The following DENND1A variants were observed in gnomAD, a reference collection of about 807,000 sequenced individuals.
The protein encoded by DENND1A is DENN domain-containing protein 1A.
DENND1A carries 51 observed loss-of-function variants against 113.7 expected under a neutral mutation model. The ratio of observed to expected loss-of-function variants is 0.45; its 90% CI spans 0.36 to 0.57. The LOEUF (loss-of-function observed/expected upper bound fraction) is 0.57, where lower values mean the gene tolerates loss of function less well. Among genes scored for constraint, DENND1A ranks in the 20% least tolerant of loss-of-function variants. The probability of loss-of-function intolerance (pLI) is 0.00; values close to 1 mark genes in which losing one functional copy is unlikely to be tolerated. For synonymous variants in DENND1A, 565 were observed against 570.8 expected (o/e 0.99, Z 0.14); for missense variants, 1,258 against 1,395.9 (o/e 0.90, Z 1.57).
chr9:123,792,448 T>G, intron 3 of DENND1A, 139 bp downstream of exon 3: 1 of 843,098 alleles, frequency 1.2e-6, no homozygotes, highest in Non-Finnish European at 1.8e-6. Flanking sequence ...GTTTTACTTT[T>G]TGTCTTTGGT....
intron 13 of DENND1A, among the ~76,000 whole-genome samples, chr9:123,523,401 A>G (rs2054553496): frequency 1.3e-5 from 2 of 152,190 alleles, no homozygotes; most frequent in South Asian, 4.1e-4. Flanking sequence ...CCAAAGCTCA[A>G]ATCGTTGACT....
chr9:123,686,306 C>G (rs2064807590), intron 5 of DENND1A, among the ~76,000 whole-genome samples: 1 of 152,208 alleles, frequency 6.6e-6, no homozygotes, highest in African/African-American at 2.4e-5. Flanking sequence ...AGATCAGACA[C>G]AAAACCAGTC....
At chr9:123,425,498 T>G (rs2045647671) in intron 19 of DENND1A, among the ~76,000 whole-genome samples, 1 of 152,264 alleles carries the variant, frequency 6.6e-6, no homozygotes, top group African/African-American at 2.4e-5. Flanking sequence ...TTTGCTGGAT[T>G]TCTCTTGCTC....
At chr9:123,748,046 TAA>T (rs574348243) in intron 5 of DENND1A, among the ~76,000 whole-genome samples, 1 of 152,206 alleles carries the variant, frequency 6.6e-6, no homozygotes, top group African/African-American at 2.4e-5. Context: ...AATGCATTTT[TAA>T]AAAGAAGATA....
chr9:123,689,638 T>G (rs2065038056), intron 5 of DENND1A, among the ~76,000 whole-genome samples: 1 of 152,180 alleles, frequency 6.6e-6, no homozygotes, highest in African/African-American at 2.4e-5. Context: ...TTTAGATTAT[T>G]TTTAATCATA....
intron 21 of DENND1A, chr9:123,401,693 A>G: frequency 6.5e-7 from 1 of 1,531,776 alleles, no homozygotes; most frequent in Non-Finnish European, 8.8e-7. Context: ...CAAAACTAAA[A>G]GTGATACTGA....
At chr9:123,793,903 A>G (rs73666286) in intron 2 of DENND1A, among the ~76,000 whole-genome samples, 3,316 of 152,344 alleles carry the variant, frequency 0.022, 128 homozygotes, top group African/African-American at 0.076. Flanking sequence ...AACTATCTGC[A>G]AGTGATTTCA....
chr9:123,683,833 G>A (rs960792880), intron 5 of DENND1A, among the ~76,000 whole-genome samples: 3 of 152,236 alleles, frequency 2.0e-5, no homozygotes, highest in East Asian at 3.9e-4. Flanking sequence ...CTTGACAGAC[G>A]TAACTCATCT....
intron 5 of DENND1A, among the ~76,000 whole-genome samples, chr9:123,686,294 A>G (rs1321575124): frequency 1.3e-5 from 2 of 152,238 alleles, no homozygotes; most frequent in African/African-American, 2.4e-5. Context: ...TACTAAAACC[A>G]CAGATCAGAC....
chr9:123,434,623 G>A (rs1361448107), intron 19 of DENND1A, among the ~76,000 whole-genome samples: 3 of 152,194 alleles, frequency 2.0e-5, no homozygotes, highest in Admixed American at 6.5e-5. Context: ...GCAGGGCTGC[G>A]TGACAAGCGG....
chr9:123,583,251 A>G lies in DENND1A; in HGVS notation c.785T>C (p.Leu262Pro). The change falls in exon 12 of 24, where the codon CTG becomes CCG. Residue 262 changes from leucine to proline, a missense_variant. Leu to Pro is a moderately conservative substitution (Grantham distance 98). This residue lies in a region of DENND1A where 1,159 missense variants were observed against 1,231.7 expected (regional missense o/e 0.94). Transcript: ENST00000394215. ...CACATTCAGGATCACGACATCATCC[A>G]GGGCCATGTTTCTGACTTTCTGCAA... ...SLMEKVRNMA[L>P]DDVVILNVDT... 6.2e-7 allele frequency: 1 copy of G among 1,612,222 alleles called. No individual in the cohort carries two copies. Among genetic ancestry groups the G allele is most frequent in the Non-Finnish European group, 8.5e-7 (1 of 1,179,076 alleles).
chr9:123,856,522 T>C (rs2133222301), intron 2 of DENND1A, among the ~76,000 whole-genome samples: 1 of 152,226 alleles, frequency 6.6e-6, no homozygotes, highest in East Asian at 1.9e-4. Context: ...AAAGATGATC[T>C]GGTGTGAGGT....
intron 20 of DENND1A, among the ~76,000 whole-genome samples, chr9:123,407,139 T>C (rs533704438): frequency 1.9e-5 from 2 of 107,658 alleles, no homozygotes; most frequent in South Asian, 6.7e-4. Flanking sequence ...TTAGGGATGA[T>C]AAAACAGACA....
chr9:123,625,903 G>GA (rs1163488178), intron 10 of DENND1A, among the ~76,000 whole-genome samples: 4 of 152,148 alleles, frequency 2.6e-5, no homozygotes, highest in African/African-American at 9.7e-5. Context: ...CTTCCAGGGG[G>GA]AACCGTGCGA....
At chr9:123,391,382 G>A (rs140276808) in intron 21 of DENND1A, among the ~76,000 whole-genome samples, 2 of 152,358 alleles carry the variant, frequency 1.3e-5, no homozygotes, top group African/African-American at 4.8e-5. Flanking sequence ...TGGGCGAAAT[G>A]CTGTCCATAC....
intron 2 of DENND1A, among the ~76,000 whole-genome samples, chr9:123,818,954 G>T (rs2132577038): frequency 6.6e-6 from 1 of 152,268 alleles, no homozygotes; most frequent in Non-Finnish European, 1.5e-5. Flanking sequence ...TAGAACAGAA[G>T]CTCTCAAAGT....
chr9:123,687,999 A>C (rs996229010), intron 5 of DENND1A, among the ~76,000 whole-genome samples: 1 of 152,276 alleles, frequency 6.6e-6, no homozygotes. Context: ...ACTGCTGTGC[A>C]CCAAACCGAT....
At chr9:123,900,381 C>G (rs1411016439) in intron 1 of DENND1A, among the ~76,000 whole-genome samples, 1 of 152,178 alleles carries the variant, frequency 6.6e-6, no homozygotes, top group Admixed American at 6.5e-5. Context: ...CTCACAGTAC[C>G]TGACTTCATG....
At chr9:123,721,863 G>A (rs1262049894) in intron 5 of DENND1A, among the ~76,000 whole-genome samples, 1 of 152,160 alleles carries the variant, frequency 6.6e-6, no homozygotes, top group Non-Finnish European at 1.5e-5. Flanking sequence ...TCAGCAGTGT[G>A]AAAACAGACT....
Sources: allele counts gnomAD v4.1 joint callset (sites outside exome capture counted in the v4.1 genomes callset), GRCh38; gene constraint gnomAD v4.1.1; regional missense constraint gnomAD v4.1.1; transcripts MANE v1.5; gene names NCBI Gene and HGNC (gene_info 2026-07-23, HGNC 2026-07-21).